The following ZFHX3 variants were observed in gnomAD, a reference collection of about 807,000 sequenced individuals.
ZFHX3 encodes the protein zinc finger homeobox protein 3.
A neutral mutation model predicts 279.1 loss-of-function variants in ZFHX3; 42 were observed. The ratio of observed to expected loss-of-function variants is 0.15; its 90% confidence interval spans 0.12 to 0.19. The LOEUF (loss-of-function observed/expected upper bound fraction) is 0.19. ZFHX3 is among the 10% of genes least tolerant of loss of function. ZFHX3 has a pLI of 1.00. For missense variants in ZFHX3, 4,981 were observed against 4,754.0 expected (o/e 1.05, Z -1.40); for synonymous variants, 2,293 against 1,957.8 (o/e 1.17, Z -4.52).
In ZFHX3 at chr16:73,338,471, A is replaced by G. The variant is rs74030068; in HGVS notation, c.-1290-20135T>C. Among the ~76,000 whole-genome samples the G allele has an allele frequency of 9.7e-3, 1,484 of 152,244 alleles. 9 individuals are homozygous for G. Among genetic ancestry groups the G allele is most frequent in the Middle Eastern group, 0.034 (10 of 294 alleles). On this transcript the variant is annotated intron_variant, in intron 3 of 17. Transcript: ENST00000641206. Reference sequence around the variant, plus strand: ...CATTTTAACAGTCAAAATCCTCTGCAGCTTGGTTCAGCCACATCTCCTATA... The same window carrying G: ...CATTTTAACAGTCAAAATCCTCTGCGGCTTGGTTCAGCCACATCTCCTATA...
chr16:72,844,825 G>A (rs987954607), intron 4 of ZFHX3, among the ~76,000 whole-genome samples: 4 of 152,136 alleles, frequency 2.6e-5, no homozygotes, highest in Admixed American at 6.5e-5. Flanking sequence ...GCTCTGTGTC[G>A]AATGAGAGGC....
intron 2 of ZFHX3, among the ~76,000 whole-genome samples, chr16:73,655,141 G>A (rs374905951): frequency 8.3e-4 from 126 of 152,192 alleles, no homozygotes; most frequent in East Asian, 4.8e-3. Context: ...AACTACAGGC[G>A]TGAGCCACCA....
At chr16:73,070,898 T>TG (rs1965815524) in intron 8 of ZFHX3, among the ~76,000 whole-genome samples, 1 of 145,934 alleles carries the variant, frequency 6.9e-6, no homozygotes, top group Non-Finnish European at 1.5e-5. Context: ...CCTTGCGGGC[T>TG]GGTTCCTAGA....
intron 5 of ZFHX3, among the ~76,000 whole-genome samples, chr16:73,239,232 T>C (rs773554680): frequency 2.1e-4 from 32 of 152,330 alleles, no homozygotes; most frequent in Non-Finnish European, 3.8e-4. Context: ...CCGTTTCCCA[T>C]AGAGAAAAAA....
intron 1 of ZFHX3, among the ~76,000 whole-genome samples, chr16:73,001,524 T>C (rs1339121679): frequency 6.6e-6 from 1 of 152,142 alleles, no homozygotes; most frequent in Non-Finnish European, 1.5e-5. Context: ...TGAAAAGATA[T>C]AATGGAGGCC....
intron 1 of ZFHX3, among the ~76,000 whole-genome samples, chr16:73,730,281 T>A (rs1298754639): frequency 2.0e-5 from 3 of 150,896 alleles, no homozygotes; most frequent in Non-Finnish European, 4.4e-5. Context: ...CATCCATGGT[T>A]TTTTTATGGC....
chr16:73,175,585 G>C (rs2144872528), intron 5 of ZFHX3, among the ~76,000 whole-genome samples: 1 of 152,308 alleles, frequency 6.6e-6, no homozygotes, highest in Middle Eastern at 3.4e-3. Context: ...TCTAGACCAG[G>C]GTCTGGCCAT....
chr16:73,587,179 C>A (rs1347604032), intron 2 of ZFHX3, among the ~76,000 whole-genome samples: 1 of 152,120 alleles, frequency 6.6e-6, no homozygotes. Flanking sequence ...CAGTTCAGAA[C>A]CATGATAGAA....
chr16:73,008,675 A>G (rs1441160328), intron 1 of ZFHX3, among the ~76,000 whole-genome samples: 1 of 152,190 alleles, frequency 6.6e-6, no homozygotes, highest in Non-Finnish European at 1.5e-5. Context: ...TTCAGAAGCA[A>G]AGTCACCCCT....
chr16:73,219,689 T>C (rs2144918871), intron 5 of ZFHX3, among the ~76,000 whole-genome samples: 1 of 152,316 alleles, frequency 6.6e-6, no homozygotes, highest in South Asian at 2.1e-4. Context: ...CTGTGATGGC[T>C]TCTTCTGGAC....
chr16:72,977,405 C>T (rs1386019336), intron 1 of ZFHX3, among the ~76,000 whole-genome samples: 4 of 152,076 alleles, frequency 2.6e-5, no homozygotes, highest in East Asian at 1.9e-4. Flanking sequence ...TTTATAGGGT[C>T]GCATGCTCAC....
rs926622457 is a variant in ZFHX3, at chr16:72,856,279, G to A, written c.3449-26420C>T. On this transcript the variant is annotated intron_variant, in intron 4 of 9. Coordinates refer to ENST00000268489, the MANE Select transcript of ZFHX3 (RefSeq NM_006885.4). ...GAAAAGCCAATGAGACTGACAATGA[G>A]CACGCACGTGGTCAGACCACAAGCC... Among the ~76,000 whole-genome samples the A allele has an allele frequency of 2.6e-5, 4 of 152,234 alleles. No individual in the cohort carries two copies. In the South Asian group the frequency reaches 8.3e-4, roughly 32 times the overall value.
At chr16:73,465,553 A>C (rs960504784) in intron 2 of ZFHX3, among the ~76,000 whole-genome samples, 6 of 151,628 alleles carry the variant, frequency 4.0e-5, no homozygotes, top group South Asian at 2.1e-4. Flanking sequence ...CATCGTCCAC[A>C]CTCTCTAGCT....
At chr16:72,863,360 A>AC (rs1279267353) in intron 4 of ZFHX3, among the ~76,000 whole-genome samples, 1 of 150,958 alleles carries the variant, frequency 6.6e-6, no homozygotes, top group African/African-American at 2.4e-5. Context: ...AAAAAAAAAA[A>AC]AAAAAAATTT....
chr16:73,396,485 A>T (rs571802723), intron 3 of ZFHX3, among the ~76,000 whole-genome samples: 1 of 152,170 alleles, frequency 6.6e-6, no homozygotes, highest in Non-Finnish European at 1.5e-5. Flanking sequence ...TCACACTGCT[A>T]TGAAGAACTG....
chr16:73,875,256 T>C (rs2029911631), intron 1 of ZFHX3, among the ~76,000 whole-genome samples: 1 of 151,810 alleles, frequency 6.6e-6, no homozygotes, highest in South Asian at 2.1e-4. Flanking sequence ...TTAATATTTA[T>C]ACACATGACA....
At chr16:73,173,219 GTTTC>G (rs997382666) in intron 5 of ZFHX3, among the ~76,000 whole-genome samples, 15 of 151,804 alleles carry the variant, frequency 9.9e-5, no homozygotes, top group Non-Finnish European at 2.2e-4. Flanking sequence ...AGTTCTTGCT[GTTTC>G]TTTCTTAAAT....
Position 73,188,195 on chromosome 16 carries a change from T to C in ZFHX3, c.-1103-44364A>G, listed in dbSNP as rs370939854. Among the ~76,000 whole-genome samples the C allele has an allele frequency of 2.6e-5, 4 of 151,746 alleles. No homozygotes were observed. The East Asian group carries it at 5.8e-4, about 22-fold the overall frequency. Reference sequence around the variant, plus strand: ...ATTTTTAACAGGGATATCTTTATTATTATTATTTTCCTTTTAAGAGACAGG... The same window carrying C: ...ATTTTTAACAGGGATATCTTTATTACTATTATTTTCCTTTTAAGAGACAGG... On this transcript the variant is annotated intron_variant, in intron 5 of 17. Transcript: ENST00000641206.
intron 1 of ZFHX3, among the ~76,000 whole-genome samples, chr16:72,992,411 G>T (rs895042217): frequency 6.6e-6 from 1 of 152,160 alleles, no homozygotes; most frequent in African/African-American, 2.4e-5. Flanking sequence ...GAGGACCTCC[G>T]GCTGACCTTT....
Sources: allele counts gnomAD v4.1 joint callset (sites outside exome capture counted in the v4.1 genomes callset), GRCh38; gene constraint gnomAD v4.1.1; transcripts MANE v1.5; gene names NCBI Gene and HGNC (gene_info 2026-07-23, HGNC 2026-07-21).